The following SPNS3 variants were observed in gnomAD, a reference collection of about 807,000 sequenced individuals.
The protein encoded by SPNS3 is SPNS lysolipid transporter 3, sphingosine-1-phosphate (putative).
In SPNS3, 51 loss-of-function variants were observed where a neutral mutation model predicts 54.4. That is an observed-to-expected ratio of 0.94 (90% CI 0.75 to 1.18). SPNS3 has a LOEUF of 1.18. Ranked by LOEUF, SPNS3 falls within the 50% of genes most tolerant of loss-of-function variation. SPNS3 has a pLI of 0.00. For synonymous variants in SPNS3, 309 were observed against 294.7 expected (o/e 1.05, Z -0.50); for missense variants, 669 against 677.4 (o/e 0.99, Z 0.14).
intron 4 of SPNS3, chr17:4,446,473 C>A: frequency 2.0e-6 from 1 of 490,366 alleles, no homozygotes; most frequent in Non-Finnish European, 3.7e-6. Context: ...GTGGCCCACC[C>A]AGGGAAGGGC....
chr17:4,475,989 T>C (rs1467445047), intron 8 of SPNS3, among the ~76,000 whole-genome samples: 1 of 152,158 alleles, frequency 6.6e-6, no homozygotes, highest in Non-Finnish European at 1.5e-5. Flanking sequence ...TGGGGCACCC[T>C]GGCGTCGTAC....
Position 4,434,065 on chromosome 17 carries a change from C to T in SPNS3, c.98C>T (p.Thr33Met), listed in dbSNP as rs200782432. The change falls in exon 1 of 12, where the codon ACG (threonine) becomes ATG (methionine). Residue 33 changes from threonine (T) to methionine (M), a missense_variant. Physicochemically the swap from Thr to Met is moderately conservative, Grantham distance 81. Transcript: ENST00000355530. ...GPGRQCPPPI[T>M]PTSWSLPPWR... ...GGCAGGCAGTGTCCCCCTCCCATCA[C>T]GCCCACCTCCTGGAGCCTGCCCCCG... 71 of 1,611,236 alleles carry T rather than the reference C, an allele frequency of 4.4e-5. No homozygotes were observed. Among genetic ancestry groups the T allele is most frequent in the Admixed American group, 6.7e-5 (4 of 59,734 alleles).
intron 8 of SPNS3, among the ~76,000 whole-genome samples, chr17:4,468,174 C>T (rs981599182): frequency 5.9e-5 from 9 of 152,114 alleles, no homozygotes; most frequent in South Asian, 2.1e-4. Context: ...GGCGTGGAGG[C>T]GCACACCTGT....
intron 8 of SPNS3, among the ~76,000 whole-genome samples, chr17:4,469,275 CG>C (rs1971791077): frequency 6.6e-6 from 1 of 151,306 alleles, no homozygotes; most frequent in Non-Finnish European, 1.5e-5. Flanking sequence ...TTTGTAGAGA[CG>C]GGGTTTCACT....
intron 8 of SPNS3, among the ~76,000 whole-genome samples, chr17:4,474,962 G>A (rs910264296): frequency 6.6e-6 from 1 of 152,178 alleles, no homozygotes; most frequent in Non-Finnish European, 1.5e-5. Context: ...GGGTCCATGT[G>A]TGTGAGTGTG....
At chr17:4,484,766 T>C (rs926535197) in intron 9 of SPNS3, among the ~76,000 whole-genome samples, 1 of 151,330 alleles carries the variant, frequency 6.6e-6, no homozygotes, top group Non-Finnish European at 1.5e-5. Flanking sequence ...CCTCCTTCCA[T>C]CCCCTGCTGT....
At chr17:4,436,472 C>G (rs1443330746) in intron 1 of SPNS3, among the ~76,000 whole-genome samples, 1 of 150,658 alleles carries the variant, frequency 6.6e-6, no homozygotes, top group African/African-American at 2.5e-5. Context: ...TGTCTTCAGC[C>G]TCTCGGGAGG....
chr17:4,448,975 G>A (rs963127972), intron 6 of SPNS3, among the ~76,000 whole-genome samples: 23 of 152,170 alleles, frequency 1.5e-4, no homozygotes, highest in Admixed American at 1.5e-3. Flanking sequence ...GGGGGTCTCA[G>A]AAATGTTGGG....
At chr17:4,447,117 CT>C (rs1971019301) in intron 5 of SPNS3, among the ~76,000 whole-genome samples, 155 bp downstream of exon 5, 1 of 152,100 alleles carries the variant, frequency 6.6e-6, no homozygotes, top group Admixed American at 6.6e-5. Context: ...CATGTGGGGC[CT>C]CATAGGGAGC....
intron 8 of SPNS3, among the ~76,000 whole-genome samples, 193 bp downstream of exon 8, chr17:4,453,398 T>C (rs1436176388): frequency 6.6e-6 from 1 of 152,114 alleles, no homozygotes; most frequent in African/African-American, 2.4e-5. Context: ...TCTGTAATCC[T>C]AGCACTTTGG....
chr17:4,448,397 C>A, intron 6 of SPNS3, 94 bp downstream of exon 6: 3 of 1,252,894 alleles, frequency 2.4e-6, no homozygotes, highest in East Asian at 3.0e-5. Flanking sequence ...AGGGAGCCCT[C>A]CCTGGTTGTC....
In SPNS3 at chr17:4,448,962, TG is replaced by T. The variant is rs1260824266; in HGVS notation, c.771-266del. The stretch of plus-strand genomic sequence containing the variant: ...GGAGGAGGAGGCAAGGTGTGTGAGT[TG>T]GGGGGGTCTCAGAAATGTTGGGGAG... On this transcript the variant is annotated intron_variant, in intron 6 of 11. Coordinates refer to ENST00000355530, the MANE Select transcript of SPNS3 (RefSeq NM_182538.5). Among the ~76,000 whole-genome samples, 4 of 151,616 alleles carry T rather than the reference TG, an allele frequency of 2.6e-5. No individual in the cohort carries two copies. The East Asian group carries it at 5.8e-4, about 22-fold the overall frequency.
chr17:4,445,706 C>T (rs1287279603), intron 3 of SPNS3, among the ~76,000 whole-genome samples: 2 of 151,992 alleles, frequency 1.3e-5, no homozygotes, highest in African/African-American at 4.8e-5. Context: ...ACAGGAGGCC[C>T]CCTCTCTCCT....
At chr17:4,458,588 C>CCTTT (rs1188233610) in intron 8 of SPNS3, among the ~76,000 whole-genome samples, 702 of 58,270 alleles carry the variant, frequency 0.012, 3 homozygotes, top group Middle Eastern at 0.031. Context: ...TTCCTTCCCT[C>CCTTT]CTTTCTTTCT....
chr17:4,437,306 A>T (rs929937340), intron 1 of SPNS3, among the ~76,000 whole-genome samples: 1 of 152,132 alleles, frequency 6.6e-6, no homozygotes, highest in African/African-American at 2.4e-5. Flanking sequence ...AAAATGGAAG[A>T]TGGGCACAAT....
chr17:4,474,282 A>G (rs1034614541), intron 8 of SPNS3, among the ~76,000 whole-genome samples: 1 of 152,202 alleles, frequency 6.6e-6, no homozygotes, highest in Non-Finnish European at 1.5e-5. Context: ...AGTCCTTGCA[A>G]TTACAGGTTG....
At position 4,486,354 on chromosome 17, in the gene SPNS3, G is replaced by A; in HGVS notation, c.1278+28G>A. 1 of 1,600,058 alleles carries A rather than the reference G, an allele frequency of 6.2e-7. No homozygotes were observed. Among genetic ancestry groups the A allele is most frequent in the Non-Finnish European group, 8.5e-7 (1 of 1,173,726 alleles). On this transcript the variant is annotated intron_variant, in intron 10 of 11. Transcript: ENST00000355530. This position sits in a 1 kb window ranked among gnomAD's most constrained non-coding sequence, Gnocchi z 5.5. ...AAGACGTGTCTGCGTGTGTGGGGTG[G>A]GGAGGGTCTGGGGGCCAGGCTGGTG...
At chr17:4,485,444 T>C (rs1386459619) in intron 9 of SPNS3, among the ~76,000 whole-genome samples, 3 of 151,688 alleles carry the variant, frequency 2.0e-5, no homozygotes, top group African/African-American at 2.4e-5. Flanking sequence ...GTTGCCCAGG[T>C]TGGATTGCAG....
At position 4,462,790 on chromosome 17, in the gene SPNS3, C is replaced by A. The variant is rs1199850481; in HGVS notation, c.1113+9585C>A. 8.4e-4 allele frequency among the ~76,000 whole-genome samples: 110 copies of A among 130,940 alleles called. 2 individuals carry two copies. Among genetic ancestry groups the A allele is most frequent in the African/African-American group, 3.9e-3 (100 of 25,460 alleles). The allele number at this position is 130,940 out of a possible 152,430, so 85.9% of individuals were successfully genotyped here. A position where few individuals can be genotyped will look rare whatever the true frequency, so the allele number is the denominator to read the frequency against. On this transcript the variant is annotated intron_variant, in intron 8 of 11. Transcript: ENST00000355530. The stretch of plus-strand genomic sequence containing the variant: ...CCATCCATCCATCCATCCATCCATC[C>A]ATCCATCCATCCACCAATCTATCCA...
Sources: allele counts gnomAD v4.1 joint callset (sites outside exome capture counted in the v4.1 genomes callset), GRCh38; gene constraint gnomAD v4.1.1; non-coding constraint Gnocchi (gnomAD v3.1); transcripts MANE v1.5; gene names NCBI Gene and HGNC (gene_info 2026-07-23, HGNC 2026-07-21).